The following KCNG2 variants were observed in gnomAD, a reference collection of about 807,000 sequenced individuals.
The protein encoded by KCNG2 is potassium voltage-gated channel modifier subfamily G member 2.
In KCNG2, 7 loss-of-function variants were observed where a neutral mutation model predicts 12.3. The observed-to-expected ratio is 0.57, with a 90% CI of 0.32 to 1.07. The LOEUF (loss-of-function observed/expected upper bound fraction) is 1.07. Ranked by LOEUF, KCNG2 falls within the 50% of genes least tolerant of loss-of-function variation. The pLI is 0.04. For missense variants in KCNG2, 703 were observed against 726.0 expected (o/e 0.97, Z 0.36); for synonymous variants, 414 against 351.4 (o/e 1.18, Z -1.99).
intron 1 of KCNG2, among the ~76,000 whole-genome samples, chr18:79,846,441 A>T (rs1016795925): frequency 6.6e-6 from 1 of 150,518 alleles, no homozygotes; most frequent in African/African-American, 2.4e-5. Context: ...AAATAAAAGT[A>T]TTTCAAATCA....
At chr18:79,825,545 C>A (rs2087607236) in intron 1 of KCNG2, among the ~76,000 whole-genome samples, 1 of 152,224 alleles carries the variant, frequency 6.6e-6, no homozygotes. Flanking sequence ...TACAGAAGCT[C>A]CCCTCAGCGA....
intron 3 of KCNG2, among the ~76,000 whole-genome samples, chr18:79,898,529 C>G (rs372372239): frequency 1.3e-5 from 2 of 152,196 alleles, no homozygotes; most frequent in African/African-American, 2.4e-5. Context: ...GATGTCAGCC[C>G]TTTCTAGGGA....
chr18:79,857,247 C>T (rs1041511149), intron 2 of KCNG2, among the ~76,000 whole-genome samples: 1 of 150,104 alleles, frequency 6.7e-6, no homozygotes, highest in African/African-American at 2.5e-5. Context: ...ATCCTGACCA[C>T]GTCCCCCCTC....
intron 3 of KCNG2, among the ~76,000 whole-genome samples, chr18:79,866,769 G>A (rs1979587608): frequency 6.8e-6 from 1 of 146,256 alleles, no homozygotes; most frequent in Non-Finnish European, 1.5e-5. Context: ...TGTGTTCTGA[G>A]AGGTCTGTAT....
intron 2 of KCNG2, among the ~76,000 whole-genome samples, chr18:79,859,676 G>A (rs1979143829): frequency 1.3e-5 from 2 of 152,164 alleles, no homozygotes; most frequent in African/African-American, 4.8e-5. Flanking sequence ...AACGATAGCA[G>A]GGTCCAACTT....
chr18:79,877,719 T>C (rs1980130124), intron 3 of KCNG2, among the ~76,000 whole-genome samples: 1 of 152,236 alleles, frequency 6.6e-6, no homozygotes, highest in Admixed American at 6.5e-5. Context: ...GGGTGACAAG[T>C]GCAGCTGCAG....
At chr18:79,833,001 C>T (rs1462809765) in intron 1 of KCNG2, among the ~76,000 whole-genome samples, 3 of 151,854 alleles carry the variant, frequency 2.0e-5, no homozygotes, top group African/African-American at 7.3e-5. Flanking sequence ...AGCCTGGTTT[C>T]CTTTAAAATT....
At chr18:79,861,268 T>G (rs1176669358) in intron 2 of KCNG2, among the ~76,000 whole-genome samples, 1 of 122,840 alleles carries the variant, frequency 8.1e-6, no homozygotes, top group Non-Finnish European at 1.7e-5. Flanking sequence ...TTCTTCTCTC[T>G]CTCTCTTTTT....
At chr18:79,865,491 A>AT (rs1979456166) in intron 3 of KCNG2, among the ~76,000 whole-genome samples, 1 of 94,116 alleles carries the variant, frequency 1.1e-5, no homozygotes, top group African/African-American at 4.4e-5. Flanking sequence ...CTGGGTGCTG[A>AT]GAGGTCTGAG....
intron 3 of KCNG2, among the ~76,000 whole-genome samples, chr18:79,875,098 G>A (rs1008957867): frequency 1.6e-4 from 24 of 152,236 alleles, no homozygotes; most frequent in East Asian, 9.7e-4. Flanking sequence ...GAATCTCTTC[G>A]CCAGGGTGGG....
At chr18:79,892,242 A>G (rs1980769366) in intron 3 of KCNG2, among the ~76,000 whole-genome samples, 1 of 151,978 alleles carries the variant, frequency 6.6e-6, no homozygotes, top group Admixed American at 6.6e-5. Flanking sequence ...TTATTGGTGC[A>G]TACATTTTAC....
At chr18:79,871,974 T>G (rs1434047833) in intron 3 of KCNG2, among the ~76,000 whole-genome samples, 1 of 152,000 alleles carries the variant, frequency 6.6e-6, no homozygotes, top group East Asian at 1.9e-4. Context: ...CGGACCAAGC[T>G]CTGGGAGGCG....
In KCNG2 at chr18:79,809,287, A is replaced by T. The variant is rs486760; in HGVS notation, c.-115+11273A>T. Among the ~76,000 whole-genome samples the T allele has an allele frequency of 5.1e-5, 2 of 39,068 alleles. 1 individual carries two copies. The highest frequency in any genetic ancestry group is 9.8e-5 in the Non-Finnish European group (2 of 20,452). The allele number at this position is 39,068 out of a possible 152,430, so 25.6% of individuals were successfully genotyped here. A position where few individuals can be genotyped will look rare whatever the true frequency, so the allele number is the denominator to read the frequency against. ...CGCTCTGAGGAGCTGCCGGGGACAC[A>T]CTGACCACACTCCACGTTATGGGCC... On this transcript the variant is annotated intron_variant, in intron 1 of 3. Coordinates refer to ENST00000316249, the MANE Select transcript of KCNG2 (RefSeq NM_012283.2).
intron 1 of KCNG2, among the ~76,000 whole-genome samples, chr18:79,828,461 G>A (rs188422713): frequency 0.02 from 3,082 of 150,994 alleles, 66 homozygotes; most frequent in South Asian, 0.068. Flanking sequence ...GTGTGCAAAT[G>A]TGTGTCTGTG....
chr18:79,875,671 G>A (rs767020011), intron 3 of KCNG2, among the ~76,000 whole-genome samples: 1 of 152,172 alleles, frequency 6.6e-6, no homozygotes, highest in Non-Finnish European at 1.5e-5. Flanking sequence ...TGGGGACAGC[G>A]GTCCTGAGTC....
At chr18:79,832,273 T>C (rs376818038) in intron 1 of KCNG2, among the ~76,000 whole-genome samples, 9 of 145,608 alleles carry the variant, frequency 6.2e-5, no homozygotes, top group East Asian at 6.1e-4. Context: ...CCTGCCCTTC[T>C]TCACCTGCCC....
At chr18:79,837,532 G>A (rs1402340307) in intron 1 of KCNG2, among the ~76,000 whole-genome samples, 1 of 152,228 alleles carries the variant, frequency 6.6e-6, no homozygotes, top group African/African-American at 2.4e-5. Flanking sequence ...TTCTCCATGA[G>A]AGAAAAATCA....
At chr18:79,891,428 AC>A (rs1980740783) in intron 3 of KCNG2, among the ~76,000 whole-genome samples, 1 of 151,964 alleles carries the variant, frequency 6.6e-6, no homozygotes, top group Admixed American at 6.6e-5. Flanking sequence ...ATGGGGTTTC[AC>A]CATGTTGCCC....
intron 1 of KCNG2, among the ~76,000 whole-genome samples, chr18:79,827,965 C>T (rs1405313544): frequency 1.4e-5 from 2 of 145,996 alleles, no homozygotes; most frequent in Non-Finnish European, 3.0e-5. Flanking sequence ...CCTCTGTTGC[C>T]CAGGCTGGAG....
Sources: gnomAD v4.1 joint callset for allele counts (sites outside exome capture counted in the v4.1 genomes callset) on GRCh38, gnomAD v4.1.1 for gene constraint, MANE v1.5 for transcripts, NCBI Gene and HGNC (gene_info 2026-07-23, HGNC 2026-07-21) for gene names.